The following CLEC19A variants were observed in gnomAD, a reference collection of about 807,000 sequenced individuals.
The protein encoded by CLEC19A is C-type lectin domain family 19 member A.
CLEC19A carries 21 observed loss-of-function variants against 26.1 expected under a neutral mutation model. The ratio of observed to expected loss-of-function variants is 0.80; its 90% CI spans 0.57 to 1.16. The LOEUF is 1.16. CLEC19A is among the 50% of genes most tolerant of loss of function. The probability of loss-of-function intolerance (pLI) is 0.00; values close to 1 mark genes in which losing one functional copy is unlikely to be tolerated. For synonymous variants in CLEC19A, 89 were observed against 88.6 expected (o/e 1.00, Z -0.03); for missense variants, 224 against 227.6 (o/e 0.98, Z 0.10).
At chr16:19,307,700 C>T in intron 4 of CLEC19A, 23 bp downstream of exon 4, 3 of 1,547,322 alleles carry the variant, frequency 1.9e-6, no homozygotes, top group Non-Finnish European at 2.6e-6. Flanking sequence ...GAGACCAAGG[C>T]TCTTGCAGGG....
At chr16:19,293,778 A>G (rs1413131567) in intron 1 of CLEC19A, among the ~76,000 whole-genome samples, 3 of 152,064 alleles carry the variant, frequency 2.0e-5, no homozygotes, top group Non-Finnish European at 4.4e-5. Flanking sequence ...TTTATGGGCT[A>G]TAGTAGGTGT....
At chr16:19,300,264 A>AG (rs1266636306) in intron 2 of CLEC19A, among the ~76,000 whole-genome samples, 1 of 151,598 alleles carries the variant, frequency 6.6e-6, no homozygotes, top group Non-Finnish European at 1.5e-5. Context: ...AAAAAAAGAA[A>AG]GGGGTCGGGT....
rs199621372 is a variant in CLEC19A, at chr16:19,287,037, TTTG to T, written c.88+1101_88+1103del. On this transcript the variant is annotated intron_variant, in intron 1 of 4. Coordinates refer to ENST00000636231, the MANE Select transcript of CLEC19A (RefSeq NM_001256720.2). ...GGTATCCTTCTTTTTTTTTTTTTTT[TTTG>T]TTAATCTAGCATCCCTAGTGGTAAC... is the stretch of plus-strand genomic sequence containing the variant. Among the ~76,000 whole-genome samples, 497 of 137,608 alleles carry T rather than the reference TTTG, an allele frequency of 3.6e-3. 6 individuals carry two copies. The highest frequency in any genetic ancestry group is 9.8e-3 in the African/African-American group (356 of 36,314). The allele number at this position is 137,608 out of a possible 152,430, so 90.3% of individuals were successfully genotyped here.
In CLEC19A at chr16:19,292,268, G is replaced by T. The variant is rs150973039; in HGVS notation, c.88+6329G>T. The stretch of plus-strand genomic sequence containing the variant: ...AATCACCTGGGGCTCTTATGAAAAT[G>T]CAGACTCCGATTTGGAAGGCCTGGG... On this transcript the variant is annotated intron_variant, in intron 1 of 4. Coordinates refer to ENST00000636231, the MANE Select transcript of CLEC19A (RefSeq NM_001256720.2). Among the ~76,000 whole-genome samples, 377 of 152,294 alleles carry T rather than the reference G, an allele frequency of 2.5e-3. 4 individuals are homozygous for T. Among genetic ancestry groups the T allele is most frequent in the African/African-American group, 8.2e-3 (342 of 41,570 alleles).
At chr16:19,307,740 G>A (rs1897987464) in intron 4 of CLEC19A, 63 bp downstream of exon 4, 1 of 1,536,224 alleles carries the variant, frequency 6.5e-7, no homozygotes, top group East Asian at 2.5e-5. Flanking sequence ...GGTGGGGAGA[G>A]CGGAGAAGGG....
chr16:19,300,923 T>A (rs1365507957), intron 2 of CLEC19A, among the ~76,000 whole-genome samples: 3 of 152,080 alleles, frequency 2.0e-5, no homozygotes, highest in African/African-American at 4.8e-5. Context: ...AATACTCTGG[T>A]TTCTCCCTCC....
At position 19,307,659 on chromosome 16, in the gene CLEC19A, T is replaced by C. The variant is rs1215566212; in HGVS notation, c.463T>C (p.Trp155Arg). The C allele has an allele frequency of 1.2e-5, 18 of 1,548,130 alleles. No individual in the cohort carries two copies. Among genetic ancestry groups the C allele is most frequent in the Non-Finnish European group, 1.5e-5 (17 of 1,146,806 alleles). Residue 155 changes from tryptophan to arginine, a missense_variant, in exon 4 of 5, where the codon TGG becomes CGG. By Grantham distance (101) the Trp-to-Arg change is moderately radical. Coordinates refer to ENST00000636231, the MANE Select transcript of CLEC19A (RefSeq NM_001256720.2). Reference sequence around the variant, plus strand: ...AGAAGAAGAGGACTGCGTGCAGATATGGTACAGGCCTACCAGTGGTGGGTA... The same window carrying C: ...AGAAGAAGAGGACTGCGTGCAGATACGGTACAGGCCTACCAGTGGTGGGTA... ...DPEEEDCVQI[W>R]YRPTSALRSW...
intron 2 of CLEC19A, among the ~76,000 whole-genome samples, chr16:19,301,727 G>GTTTT (rs1215000402): frequency 1.4e-4 from 4 of 28,554 alleles, no homozygotes; most frequent in African/African-American, 3.5e-4. Flanking sequence ...CCATGCCCAG[G>GTTTT]TTTTTTTGGT....
rs771552711 is a variant in CLEC19A at position 19,285,896 on chromosome 16, C to T, written c.45C>T (p.His15=). Residue 15 remains histidine, a synonymous_variant, in exon 1 of 5, where the codon CAC becomes CAT. Coordinates refer to ENST00000636231, the MANE Select transcript of CLEC19A (RefSeq NM_001256720.2). ...GGGCTGCAGCCTTCCTGACCCTCCA[C>T]TCTGCACAGGCCTTTCCACAAACAG... ...TLWAAAFLTL[H]SAQAFPQTDI... 131 of 1,550,482 alleles carry T rather than the reference C, an allele frequency of 8.4e-5. 1 individual carries two copies. The highest frequency in any genetic ancestry group is 1.7e-4 in the Middle Eastern group (1 of 6,012).
chr16:19,291,576 G>C (rs912569169), intron 1 of CLEC19A, among the ~76,000 whole-genome samples: 3 of 152,236 alleles, frequency 2.0e-5, no homozygotes, highest in Non-Finnish European at 4.4e-5. Flanking sequence ...CTGAGTCAGA[G>C]TTGGCGCTGA....
chr16:19,289,406 TG>T (rs1271770216), intron 1 of CLEC19A, among the ~76,000 whole-genome samples: 5 of 152,160 alleles, frequency 3.3e-5, no homozygotes, highest in Non-Finnish European at 7.3e-5. Context: ...TTACATTTGG[TG>T]TTTAATAGAT....
At chr16:19,303,795 T>A (rs1897885851) in intron 2 of CLEC19A, 1 of 353,508 alleles carries the variant, frequency 2.8e-6, no homozygotes, top group African/African-American at 2.0e-5. Context: ...ATCCACCTCA[T>A]TTGCTAGTGT....
intron 1 of CLEC19A, among the ~76,000 whole-genome samples, chr16:19,291,510 T>C (rs1364082153): frequency 6.6e-6 from 1 of 152,098 alleles, no homozygotes; most frequent in East Asian, 1.9e-4. Context: ...TGTGTGAAGA[T>C]TGAGTGTATT....
intron 1 of CLEC19A, among the ~76,000 whole-genome samples, chr16:19,295,127 C>T (rs1197798160): frequency 6.6e-6 from 1 of 152,152 alleles, no homozygotes; most frequent in African/African-American, 2.4e-5. Flanking sequence ...TTCCCCCTCA[C>T]TGCTTGAGAG....
At chr16:19,307,419 T>C in intron 3 of CLEC19A, 126 bp from the exon 4 acceptor site, 1 of 1,016,252 alleles carries the variant, frequency 9.8e-7, no homozygotes, top group Non-Finnish European at 1.4e-6. Flanking sequence ...GTAGCCTCAA[T>C]GAAGACATCT....
intron 1 of CLEC19A, among the ~76,000 whole-genome samples, chr16:19,290,492 CTT>C (rs1202863443): frequency 2.0e-5 from 3 of 152,222 alleles, no homozygotes; most frequent in Non-Finnish European, 4.4e-5. Context: ...CCGGAACACT[CTT>C]TCTCTAACTC....
At chr16:19,307,474 A>T in intron 3 of CLEC19A, 71 bp from the exon 4 acceptor site, 1 of 1,527,440 alleles carries the variant, frequency 6.5e-7, no homozygotes, top group Non-Finnish European at 8.8e-7. Flanking sequence ...TCTGAGCTGG[A>T]GCTGCCTGGC....
intron 3 of CLEC19A, among the ~76,000 whole-genome samples, chr16:19,306,529 TAGC>T (rs145862531): frequency 0.02 from 3,075 of 152,206 alleles, 152 homozygotes; most frequent in South Asian, 0.18. Context: ...CCATTTATAA[TAGC>T]AACTCTAAAA....
rs951817705 is a variant in CLEC19A, at chr16:19,310,801, G to A, written c.*1718G>A. ...TGTGTGGAGGGGGAATAGAAAGTGA[G>A]TGCTAATAGGTATGGGATTACTTTG... On this transcript the variant is annotated 3_prime_UTR_variant, in exon 5 of 5. Transcript: ENST00000636231. 1 of 152,172 alleles carries A rather than the reference G, an allele frequency of 6.6e-6. No individual in the cohort carries two copies. Among genetic ancestry groups the A allele is most frequent in the Non-Finnish European group, 1.5e-5 (1 of 68,046 alleles). 9.4% of individuals were successfully genotyped at this position (152,172 alleles called of 1,614,324 possible).
Sources: gnomAD v4.1 joint callset for allele counts (sites outside exome capture counted in the v4.1 genomes callset) on GRCh38, gnomAD v4.1.1 for gene constraint, MANE v1.5 for transcripts, NCBI Gene and HGNC (gene_info 2026-07-23, HGNC 2026-07-21) for gene names.